TENM2: variants seen among roughly 807,000 people sequenced by gnomAD.
TENM2 encodes the protein teneurin transmembrane protein 2.
TENM2 carries 52 observed loss-of-function variants against 245.2 expected under a neutral mutation model. The ratio of observed to expected loss-of-function variants is 0.21; its 90% confidence interval spans 0.17 to 0.27. The LOEUF (loss-of-function observed/expected upper bound fraction) is 0.27, where lower values mean the gene tolerates loss of function less well. TENM2 is among the 10% of genes least tolerant of loss of function. The pLI is 1.00. For synonymous variants in TENM2, 1,363 were observed against 1,438.9 expected (o/e 0.95, Z 1.19); for missense variants, 3,046 against 3,666.8 (o/e 0.83, Z 4.37).
rs561427796 is a variant in TENM2, at chr5:167,632,272, T to C, written c.503-243714T>C. ...TTATCATGGGCCATGATAGTGTCTA[T>C]GGAGCAAAGCATCTTGGATCCAAAT... On this transcript the variant is annotated intron_variant, in intron 2 of 28. Transcript: ENST00000518659. Among the ~76,000 whole-genome samples the C allele has an allele frequency of 4.6e-4, 70 of 152,324 alleles. No homozygotes were observed. In the South Asian group the frequency reaches 0.014, roughly 30 times the overall value.
intron 2 of TENM2, among the ~76,000 whole-genome samples, chr5:167,712,358 T>C (rs1758968544): frequency 6.6e-6 from 1 of 152,170 alleles, no homozygotes; most frequent in African/African-American, 2.4e-5. Context: ...CAAATGTCAA[T>C]TTAAACCAGA....
chr5:167,851,599 A>G (rs1163788281), intron 2 of TENM2, among the ~76,000 whole-genome samples: 1 of 152,194 alleles, frequency 6.6e-6, no homozygotes, highest in Non-Finnish European at 1.5e-5. Context: ...ACTTTTGACT[A>G]TAAAGAATAA....
At chr5:168,012,866 C>A (rs935999434) in intron 5 of TENM2, among the ~76,000 whole-genome samples, 28 of 151,812 alleles carry the variant, frequency 1.8e-4, no homozygotes, top group Middle Eastern at 6.9e-3. Flanking sequence ...GGTTGGCAAC[C>A]CTGGCATCGT....
intron 2 of TENM2, among the ~76,000 whole-genome samples, chr5:167,768,267 G>T (rs902434774): frequency 6.6e-6 from 1 of 152,008 alleles, no homozygotes; most frequent in African/African-American, 2.4e-5. Flanking sequence ...TTCTTTATGT[G>T]ATGATTACAT....
chr5:167,784,431 A>G (rs17069217), intron 2 of TENM2, among the ~76,000 whole-genome samples: 11,117 of 152,268 alleles, frequency 0.073, 480 homozygotes, highest in Middle Eastern at 0.11. Context: ...TAAATTATTT[A>G]AAGCAGGAAT....
At chr5:167,140,735 G>T in the TENM2 span, among the ~76,000 whole-genome samples, 2 of 152,114 alleles carry the variant, frequency 1.3e-5, no homozygotes, top group Non-Finnish European at 2.9e-5. Context: ...ACTGTCCCCA[G>T]CTCTGCTTTC....
At chr5:167,130,229 A>G in the TENM2 span, among the ~76,000 whole-genome samples, 4 of 152,268 alleles carry the variant, frequency 2.6e-5, no homozygotes, top group African/African-American at 9.6e-5. Context: ...AATTTTCATG[A>G]TTTTCTCTGG....
At chr5:167,644,076 C>A (rs921117826) in intron 2 of TENM2, among the ~76,000 whole-genome samples, 1 of 152,022 alleles carries the variant, frequency 6.6e-6, no homozygotes, top group African/African-American at 2.4e-5. Context: ...AAATTATCCA[C>A]CTGGATCCAT....
At chr5:168,057,955 G>C (rs913523936) in intron 6 of TENM2, among the ~76,000 whole-genome samples, 1 of 151,936 alleles carries the variant, frequency 6.6e-6, no homozygotes, top group Non-Finnish European at 1.5e-5. Flanking sequence ...AGTGAGCCTG[G>C]GTGCGAGCCT....
upstream of TENM2, among the ~76,000 whole-genome samples, chr5:167,279,991 A>G (rs188991595): frequency 6.6e-6 from 1 of 152,266 alleles, no homozygotes; most frequent in African/African-American, 2.4e-5. Flanking sequence ...TTGGGATATC[A>G]TGTTATGAGA....
chr5:168,200,470 A>G lies in TENM2; in HGVS notation c.3430+339A>G, dbSNP rs72835050. ...TAAGCAGAGACTAATGACAAGAAGG[A>G]ACCACATGAAAATCAGAAGAAGAGG... On this transcript the variant is annotated intron_variant, in intron 17 of 28. Transcript: ENST00000518659. 9.2e-3 allele frequency among the ~76,000 whole-genome samples: 1,394 copies of G among 152,320 alleles called. 8 individuals are homozygous for G. Among genetic ancestry groups the G allele is most frequent in the Middle Eastern group, 0.02 (6 of 294 alleles).
chr5:167,933,472 T>G (rs1221230331), intron 3 of TENM2, among the ~76,000 whole-genome samples: 1 of 151,986 alleles, frequency 6.6e-6, no homozygotes, highest in Non-Finnish European at 1.5e-5. Flanking sequence ...TCTTAATAGG[T>G]TTTCAGTCAT....
chr5:167,324,088 T>A (rs1756940163), intron 1 of TENM2, among the ~76,000 whole-genome samples: 1 of 152,202 alleles, frequency 6.6e-6, no homozygotes, highest in Non-Finnish European at 1.5e-5. Flanking sequence ...CTGTTCCTCA[T>A]GGTGAAGTGA....
chr5:168,259,362 C>T (rs559334235), intron 27 of TENM2, among the ~76,000 whole-genome samples: 11 of 151,316 alleles, frequency 7.3e-5, no homozygotes, highest in South Asian at 2.1e-4. Context: ...CTGAGGAGGG[C>T]GGATCACCTG....
chr5:167,925,245 G>T (rs1331666270), intron 3 of TENM2, among the ~76,000 whole-genome samples: 1 of 152,166 alleles, frequency 6.6e-6, no homozygotes, highest in East Asian at 1.9e-4. Flanking sequence ...CCTCAAAAAT[G>T]TTATGCTGAA....
intron 2 of TENM2, among the ~76,000 whole-genome samples, chr5:167,744,743 A>G (rs4624810): frequency 0.39 from 59,870 of 151,872 alleles, 13,686 homozygotes; most frequent in East Asian, 0.67. Context: ...CTTTGGGGAA[A>G]TGGCAGGTTT....
the TENM2 span, among the ~76,000 whole-genome samples, chr5:167,030,814 T>C: frequency 4.1e-4 from 63 of 152,268 alleles, no homozygotes; most frequent in Middle Eastern, 6.8e-3. Flanking sequence ...CTGTAATTAC[T>C]GCTGATGCCT....
At chr5:167,953,505 A>C (rs1780283768) in intron 4 of TENM2, 1 of 152,484 alleles carries the variant, frequency 6.6e-6, no homozygotes, top group South Asian at 2.1e-4. Flanking sequence ...ATACACCTTA[A>C]TGATCTGAAA....
the TENM2 span, among the ~76,000 whole-genome samples, chr5:167,225,259 C>G: frequency 6.6e-6 from 1 of 152,018 alleles, no homozygotes; most frequent in South Asian, 2.1e-4. Context: ...AGAGGAAAAG[C>G]TTTCAACTTT....
Sources: gnomAD v4.1 joint callset for allele counts (sites outside exome capture counted in the v4.1 genomes callset) on GRCh38, gnomAD v4.1.1 for gene constraint, MANE v1.5 for transcripts, NCBI Gene and HGNC (gene_info 2026-07-23, HGNC 2026-07-21) for gene names.